The following DNAJC5 variants were observed in gnomAD, a reference collection of about 807,000 sequenced individuals.
The protein encoded by DNAJC5 is DnaJ heat shock protein family (Hsp40) member C5.
DNAJC5 carries 1 observed loss-of-function variant against 23.2 expected under a neutral mutation model. The ratio of observed to expected loss-of-function variants is 0.04; its 90% CI spans 0.02 to 0.20. The LOEUF is 0.20. Ranked by LOEUF, DNAJC5 falls within the 10% of genes least tolerant of loss-of-function variation. DNAJC5 has a pLI of 1.00. For missense variants in DNAJC5, 180 were observed against 267.0 expected (o/e 0.67, Z 2.27); for synonymous variants, 136 against 120.0 (o/e 1.13, Z -0.87).
intron 1 of DNAJC5, chr20:63,909,029 G>A (rs961428082): frequency 2.6e-5 from 4 of 152,178 alleles, no homozygotes; most frequent in East Asian, 1.9e-4. Context: ...ATTGCACTCC[G>A]GATGTGCTGA....
intron 1 of DNAJC5, among the ~76,000 whole-genome samples, chr20:63,913,300 CCT>C (rs2053495284): frequency 1.3e-5 from 2 of 152,068 alleles, no homozygotes; most frequent in South Asian, 4.1e-4. Context: ...TGTCTCCTTC[CCT>C]CTCCTCCCGC....
intron 1 of DNAJC5, among the ~76,000 whole-genome samples, chr20:63,926,117 G>T (rs190357766): frequency 2.6e-5 from 4 of 152,070 alleles, no homozygotes; most frequent in African/African-American, 9.7e-5. Flanking sequence ...CGTGAGCCAC[G>T]GCGCCTGGCC....
At chr20:63,905,577 T>TC (rs1568976254) in intron 1 of DNAJC5, among the ~76,000 whole-genome samples, 1 of 151,416 alleles carries the variant, frequency 6.6e-6, no homozygotes. Flanking sequence ...GATTTTTTTT[T>TC]TTTTTTTTTC....
chr20:63,907,901 G>A (rs2053457688), intron 1 of DNAJC5, among the ~76,000 whole-genome samples: 1 of 152,166 alleles, frequency 6.6e-6, no homozygotes, highest in Non-Finnish European at 1.5e-5. Context: ...CAGTAGCTGG[G>A]CCTACGGGCA....
chr20:63,930,843 C>G lies in DNAJC5; in HGVS notation c.322-8C>G. On this transcript the variant is annotated splice_region_variant and splice_polypyrimidine_tract_variant and intron_variant, in intron 3 of 4. Transcript: ENST00000360864. ...AGGCCATGCAACACCACCTTCTTCT[C>G]CCCCCAGGCCCTGTTTGTCTTCTGC... 6.2e-7 allele frequency: 1 copy of G among 1,611,976 alleles called. No homozygotes were observed. The highest frequency in any genetic ancestry group is 8.5e-7 in the Non-Finnish European group (1 of 1,179,818).
rs1392906392 is a variant in DNAJC5 at position 63,903,594 on chromosome 20, A to G, written c.-12+8271A>G. Among the ~76,000 whole-genome samples, 9 of 152,062 alleles carry G rather than the reference A, an allele frequency of 5.9e-5. No homozygotes were observed. In the East Asian group the frequency reaches 1.8e-3, roughly 30 times the overall value. ...AGTGCTGGGATTACAGGTGTGAGCC[A>G]CTGCGCTCGGCCCATCTCAAACTTT... On this transcript the variant is annotated intron_variant, in intron 1 of 4. Transcript: ENST00000360864.
chr20:63,930,829 C>T, intron 3 of DNAJC5, 22 bp from the exon 4 acceptor site: 1 of 1,611,698 alleles, frequency 6.2e-7, no homozygotes, highest in East Asian at 2.2e-5. Flanking sequence ...GGCCATGCAA[C>T]ACCACCTTCT....
Position 63,935,127 on chromosome 20 carries a change from T to G in DNAJC5, c.*3559T>G, listed in dbSNP as rs1221408354. ...GAATTGGCAAAAGCTACATTTTTAC[T>G]GTCCTTACCAGCAACAGTTTGCGTC... is the stretch of plus-strand genomic sequence containing the variant. On this transcript the variant is annotated 3_prime_UTR_variant, in exon 5 of 5. Coordinates refer to ENST00000360864, the MANE Select transcript of DNAJC5 (RefSeq NM_025219.3). 6.6e-6 allele frequency: 1 copy of G among 152,340 alleles called. No homozygotes were observed. Among genetic ancestry groups the G allele is most frequent in the Admixed American group, 6.5e-5 (1 of 15,286 alleles). The allele number at this position is 152,340 out of a possible 1,614,324, so 9.4% of individuals were successfully genotyped here. A position where few individuals can be genotyped will look rare whatever the true frequency, so the allele number is the denominator to read the frequency against.
At chr20:63,898,640 G>C (rs1467996635) in intron 1 of DNAJC5, among the ~76,000 whole-genome samples, 1 of 152,074 alleles carries the variant, frequency 6.6e-6, no homozygotes, top group Non-Finnish European at 1.5e-5. Context: ...TCGAGAGATC[G>C]AGACCATCCT....
chr20:63,910,271 G>A (rs761129147), intron 1 of DNAJC5, among the ~76,000 whole-genome samples: 20 of 152,144 alleles, frequency 1.3e-4, no homozygotes, highest in Non-Finnish European at 2.2e-4. Flanking sequence ...CTGGCCGGGC[G>A]CGGTGGCTCA....
chr20:63,912,764 C>A (rs1303651154), intron 1 of DNAJC5, among the ~76,000 whole-genome samples: 2 of 152,126 alleles, frequency 1.3e-5, no homozygotes, highest in African/African-American at 4.8e-5. Flanking sequence ...CCTGCCACCA[C>A]GTCCAGCTAA....
rs1280127899 is a variant in DNAJC5, at chr20:63,931,550, C to T, written c.579C>T (p.His193=). 4 of 1,577,422 alleles carry T rather than the reference C, an allele frequency of 2.5e-6. No individual in the cohort carries two copies. The highest frequency in any genetic ancestry group is 2.3e-5 in the South Asian group (2 of 86,392). Residue 193 remains histidine, a synonymous_variant, in exon 5 of 5, where the codon CAC becomes CAT. Transcript: ENST00000360864. This position sits in a 1 kb window ranked among gnomAD's most constrained non-coding sequence, Gnocchi z 9.6. The part of the protein sequence containing the change: ...QLTADSHPSY[H]TDGFN Reference sequence around the variant, plus strand: ...CAGCCGACTCCCACCCCAGCTACCACACTGACGGGTTCAACTAAATCCAGG... The same window carrying T: ...CAGCCGACTCCCACCCCAGCTACCATACTGACGGGTTCAACTAAATCCAGG...
rs904454742 is a variant in DNAJC5 at position 63,928,736 on chromosome 20, CAGG to C, written c.107+287_107+289del. 3.3e-5 allele frequency among the ~76,000 whole-genome samples: 5 copies of C among 152,178 alleles called. No homozygotes were observed. Among genetic ancestry groups the C allele is most frequent in the Admixed American group, 6.5e-5 (1 of 15,274 alleles). On this transcript the variant is annotated intron_variant, in intron 2 of 4. Coordinates refer to ENST00000360864, the MANE Select transcript of DNAJC5 (RefSeq NM_025219.3). This position sits in a 1 kb window ranked among gnomAD's most constrained non-coding sequence, Gnocchi z 4.6. Reference sequence around the variant, plus strand: ...GGGTCTGAACCTGTTTGAGGCCTCACAGGAGCCGCAGAGCGCTGGCATGGTCCT... The same window carrying C: ...GGGTCTGAACCTGTTTGAGGCCTCACAGCCGCAGAGCGCTGGCATGGTCCT...
At chr20:63,918,272 C>A (rs1246449659) in intron 1 of DNAJC5, among the ~76,000 whole-genome samples, 2 of 152,108 alleles carry the variant, frequency 1.3e-5, no homozygotes, top group African/African-American at 4.8e-5. Flanking sequence ...GTCCCAGCTA[C>A]TCAGAGCCTG....
intron 1 of DNAJC5, among the ~76,000 whole-genome samples, chr20:63,905,551 A>G (rs1190583991): frequency 1.3e-5 from 2 of 148,530 alleles, no homozygotes; most frequent in Non-Finnish European, 3.0e-5. Context: ...GCCACCACAC[A>G]TGACCGCACA....
chr20:63,931,244 T>C lies in DNAJC5; in HGVS notation c.494-221T>C. On this transcript the variant is annotated intron_variant, in intron 4 of 4. Transcript: ENST00000360864. The surrounding 1 kb of genome is among the most constrained non-coding windows in gnomAD (Gnocchi z 9.6). ...TGCGGTAGCCGTAGATCCCAGGGAC[T>C]GCGAGGCGGGGCAGGGCGGCAGGCA... is the stretch of plus-strand genomic sequence containing the variant. 1 of 786,782 alleles carries C rather than the reference T, an allele frequency of 1.3e-6. No individual in the cohort carries two copies. Among genetic ancestry groups the C allele is most frequent in the East Asian group, 2.7e-5 (1 of 37,436 alleles). The allele number at this position is 786,782 out of a possible 1,614,324, so 48.7% of individuals were successfully genotyped here.
chr20:63,902,714 C>T (rs539051628), intron 1 of DNAJC5, among the ~76,000 whole-genome samples: 29 of 126,850 alleles, frequency 2.3e-4, no homozygotes, highest in South Asian at 1.3e-3. Context: ...CTTGCTCTGT[C>T]GCCCAGGCTG....
intron 1 of DNAJC5, among the ~76,000 whole-genome samples, chr20:63,925,348 G>T (rs1222683315): frequency 6.6e-6 from 1 of 152,048 alleles, no homozygotes; most frequent in Non-Finnish European, 1.5e-5. Flanking sequence ...CCTGGGCGTG[G>T]TTCGCGTGCC....
intron 1 of DNAJC5, among the ~76,000 whole-genome samples, chr20:63,910,247 G>A (rs773767118): frequency 1.3e-5 from 2 of 152,096 alleles, no homozygotes; most frequent in Non-Finnish European, 2.9e-5. Context: ...TTGCACCATC[G>A]AAAGTGATGT....
Sources: allele counts gnomAD v4.1 joint callset (sites outside exome capture counted in the v4.1 genomes callset), GRCh38; gene constraint gnomAD v4.1.1; non-coding constraint Gnocchi (gnomAD v3.1); transcripts MANE v1.5; gene names NCBI Gene and HGNC (gene_info 2026-07-23, HGNC 2026-07-21).